ZGRF1: variants seen among roughly 807,000 people sequenced by gnomAD.
ZGRF1 encodes zinc finger GRF-type containing 1.
ZGRF1 carries 196 observed loss-of-function variants against 203.5 expected under a neutral mutation model. That is an observed-to-expected ratio of 0.96 (90% confidence interval 0.86 to 1.08). ZGRF1 has a LOEUF of 1.08. ZGRF1 is among the 50% of genes least tolerant of loss of function. The pLI is 0.00. For synonymous variants in ZGRF1, 809 were observed against 841.3 expected, an observed-to-expected ratio of 0.96 and a Z score of 0.66; for missense variants, 2,326 against 2,416.3, an observed-to-expected ratio of 0.96 and a Z score of 0.78.
At chr4:112,580,687 T>C (rs1449604980) in intron 16 of ZGRF1, among the ~76,000 whole-genome samples, 1 of 152,210 alleles carries the variant, frequency 6.6e-6, no homozygotes, top group African/African-American at 2.4e-5. Context: ...ATGCTCATCA[T>C]CACTGGCCAT....
chr4:112,553,858 T>A lies in ZGRF1; in HGVS notation c.5323A>T (p.Thr1775Ser), dbSNP rs755355156. 1.2e-6 allele frequency: 2 copies of A among 1,611,760 alleles called. No individual in the cohort carries two copies. The highest frequency in any genetic ancestry group is 3.4e-5 in the Admixed American group (2 of 59,542). ...RKSIEQHKLGTNRTLLKQVRV... is the reference protein window; with the variant it reads ...RKSIEQHKLGSNRTLLKQVRV... ...ACCTGCTTCAGCAGGGTTCTATTGGTCCCCAGTTTATGCTGCTCAATGCTT... is the reference window on the plus strand; with the variant it reads ...ACCTGCTTCAGCAGGGTTCTATTGGACCCCAGTTTATGCTGCTCAATGCTT... Residue 1775 changes from threonine (T) to serine (S), a missense_variant, in exon 22 of 28, where the codon ACC (threonine) becomes TCC (serine). Thr to Ser is a moderately conservative substitution (Grantham distance 58). Transcript: ENST00000505019.
At position 112,600,057 on chromosome 4, in the gene ZGRF1, G is replaced by A. The variant is rs114201634; in HGVS notation, c.2976+3467C>T. ...CTTGAGGTAATGTTTTTTTTTCTTT[G>A]ATACAGGATCTCACTCTGTCACCCA... On this transcript the variant is annotated intron_variant, in intron 10 of 27. Coordinates refer to ENST00000505019, the MANE Select transcript of ZGRF1 (RefSeq NM_018392.5). 6.8e-3 allele frequency among the ~76,000 whole-genome samples: 1,033 copies of A among 150,982 alleles called. 16 individuals carry two copies. Among genetic ancestry groups the A allele is most frequent in the African/African-American group, 0.024 (976 of 41,174 alleles).
intron 16 of ZGRF1, among the ~76,000 whole-genome samples, chr4:112,570,251 T>C (rs929237948): frequency 6.6e-6 from 1 of 152,266 alleles, no homozygotes; most frequent in South Asian, 2.1e-4. Flanking sequence ...AAAAAAACCT[T>C]AATAATATCA....
intron 16 of ZGRF1, 70 bp from the exon 17 acceptor site, chr4:112,563,344 A>G (rs1373815730): frequency 7.2e-6 from 8 of 1,108,804 alleles, no homozygotes; most frequent in African/African-American, 1.6e-5. Flanking sequence ...TAGAAATTAT[A>G]TATATTTGCA....
intron 15 of ZGRF1, 52 bp downstream of exon 15, chr4:112,583,926 C>T (rs1578358910): frequency 8.9e-7 from 1 of 1,126,998 alleles, no homozygotes; most frequent in South Asian, 1.8e-5. Context: ...TCTGTGAAGG[C>T]TGTTGTTCTC....
chr4:112,618,084 G>A lies in ZGRF1; in HGVS notation c.1958C>T (p.Ala653Val), dbSNP rs756522228. The A allele has an allele frequency of 4.3e-6, 7 of 1,613,688 alleles. No individual in the cohort carries two copies. The Admixed American group carries it at 6.7e-5, about 15-fold the overall frequency. Residue 653 changes from alanine (A) to valine (V), a missense_variant, in exon 6 of 28, where the codon GCT becomes GTT. By Grantham distance (64) the Ala-to-Val change is moderately conservative (BLOSUM62 0). Transcript: ENST00000505019. ...ATCTTCTTTATTATCTCCGTATACA[G>A]CATCAGTCCACTTGAAAGATTCAAA... is the stretch of plus-strand genomic sequence containing the variant. ...SNFESFKWTD[A>V]VYGDNKEDAN...
Position 112,617,439 on chromosome 4 carries a change from C to G in ZGRF1, c.2602+1G>C, listed in dbSNP as rs150137593. 6.5e-7 allele frequency: 1 copy of G among 1,529,528 alleles called. No individual in the cohort carries two copies. Among genetic ancestry groups the G allele is most frequent in the South Asian group, 1.3e-5 (1 of 75,844 alleles). The allele number at this position is 1,529,528 out of a possible 1,614,324, so 94.7% of individuals were successfully genotyped here. On this transcript the variant is annotated splice_donor_variant, in intron 6 of 27. Transcript: ENST00000505019. LOFTEE classifies it high-confidence loss of function. ...TTCCAAAATAGACATGCAATTCTAA[C>G]CTTCAGGAGGGCTATCTGGCTCATA... is the stretch of plus-strand genomic sequence containing the variant.
chr4:112,586,385 A>T, intron 13 of ZGRF1, 60 bp downstream of exon 13: 3 of 1,318,548 alleles, frequency 2.3e-6, no homozygotes, highest in Non-Finnish European at 3.1e-6. Context: ...TTAAATTCTC[A>T]CAATTTTACT....
chr4:112,585,516 G>A (rs1438187360), intron 14 of ZGRF1, 25 bp downstream of exon 14: 7 of 1,587,782 alleles, frequency 4.4e-6, no homozygotes, highest in Non-Finnish European at 6.0e-6. Flanking sequence ...ATTTGGTATG[G>A]TAGGGGGAGG....
intron 10 of ZGRF1, among the ~76,000 whole-genome samples, chr4:112,594,504 G>A (rs962384962): frequency 6.6e-6 from 1 of 150,696 alleles, no homozygotes; most frequent in Non-Finnish European, 1.5e-5. Flanking sequence ...CCAGGCTAGA[G>A]TGCAGTGGCA....
At chr4:112,576,059 G>A (rs1745152243) in intron 16 of ZGRF1, among the ~76,000 whole-genome samples, 1 of 152,190 alleles carries the variant, frequency 6.6e-6, no homozygotes, top group South Asian at 2.1e-4. Context: ...TCACACGGCT[G>A]GGTACTCCTC....
intron 8 of ZGRF1, 103 bp downstream of exon 8, chr4:112,609,276 A>C (rs2149118352): frequency 2.6e-6 from 1 of 387,292 alleles, no homozygotes; most frequent in Non-Finnish European, 4.8e-6. Flanking sequence ...GATGGTCTCT[A>C]TCTCCTGACC....
chr4:112,621,653 CAA>C (rs759426408), intron 4 of ZGRF1, among the ~76,000 whole-genome samples: 9 of 90,724 alleles, frequency 9.9e-5, no homozygotes, highest in East Asian at 3.5e-4. Flanking sequence ...AACTCCATCT[CAA>C]AAAAAAAAAA....
At chr4:112,610,443 A>C (rs2101391) in intron 7 of ZGRF1, among the ~76,000 whole-genome samples, 101,867 of 151,620 alleles carry the variant, frequency 0.67, 34,665 homozygotes, top group East Asian at 0.95. Context: ...TGGTGGCGTG[A>C]GCCTGTGGTC....
chr4:112,551,011 T>C (rs924775769), intron 22 of ZGRF1, among the ~76,000 whole-genome samples: 1 of 152,166 alleles, frequency 6.6e-6, no homozygotes, highest in Non-Finnish European at 1.5e-5. Context: ...TAAAAAGCTA[T>C]AGTATATATA....
Position 112,539,475 on chromosome 4 carries a change from A to G in ZGRF1, c.*72T>C. 1.3e-6 allele frequency: 1 copy of G among 799,268 alleles called. No individual in the cohort carries two copies. The allele number at this position is 799,268 out of a possible 1,614,324, so 49.5% of individuals were successfully genotyped here. A position where few individuals can be genotyped will look rare whatever the true frequency, so the allele number is the denominator to read the frequency against. ...TTTAATAAGAGGGTTTAGAGTAATA[A>G]AAATATAAAAAATATATCATGTAAA... On this transcript the variant is annotated 3_prime_UTR_variant, in exon 28 of 28. Transcript: ENST00000505019.
At chr4:112,633,599 T>TA (rs1361580196) in intron 1 of ZGRF1, among the ~76,000 whole-genome samples, 4 of 152,260 alleles carry the variant, frequency 2.6e-5, no homozygotes, top group African/African-American at 4.8e-5. Context: ...TTGCTACGGT[T>TA]ACCACAAGAT....
At position 112,541,235 on chromosome 4, in the gene ZGRF1, G is replaced by A. The variant is rs369385260; in HGVS notation, c.5632C>T (p.Arg1878Cys). 1.7e-4 allele frequency: 274 copies of A among 1,599,664 alleles called. No homozygotes were observed. The highest frequency in any genetic ancestry group is 2.2e-4 in the Non-Finnish European group (255 of 1,171,316). Residue 1878 changes from arginine to cysteine, a missense_variant, in exon 25 of 28, where the codon CGT becomes TGT. By Grantham distance (180) the Arg-to-Cys change is radical (BLOSUM62 -3). Transcript: ENST00000505019. The stretch of plus-strand genomic sequence containing the variant: ...ATAGCACTGATTGCAGGATGACAAC[G>A]GTATTGAGTTCTCAATAGAATTGGC... ...HKPILLRTQY[R>C]CHPAISAIAN... is the part of the protein sequence containing the mutation.
At chr4:112,565,700 G>A (rs2148914007) in intron 16 of ZGRF1, among the ~76,000 whole-genome samples, 1 of 152,174 alleles carries the variant, frequency 6.6e-6, no homozygotes, top group East Asian at 1.9e-4. Context: ...ATGAACAGAT[G>A]CTTCTCAAAA....
Sources: allele counts gnomAD v4.1 joint callset (sites outside exome capture counted in the v4.1 genomes callset), GRCh38; gene constraint gnomAD v4.1.1; transcripts MANE v1.5; gene names NCBI Gene and HGNC (gene_info 2026-07-23, HGNC 2026-07-21).